The following DACH2 variants were observed in gnomAD, a reference collection of about 807,000 sequenced individuals.
The protein encoded by DACH2 is dachshund homolog 2.
DACH2 carries 17 observed loss-of-function variants against 35.8 expected under a neutral mutation model. The ratio of observed to expected loss-of-function variants is 0.48; its 90% CI spans 0.33 to 0.71. DACH2 has a LOEUF of 0.71. Among genes scored for constraint, DACH2 ranks in the 30% least tolerant of loss-of-function variants. The pLI is 0.02. For synonymous variants in DACH2, 195 were observed against 177.3 expected (o/e 1.10, Z -0.79); for missense variants, 469 against 472.7 (o/e 0.99, Z 0.07).
rs2040935918 is a variant in DACH2 at position 86,685,816 on chromosome X, A to G, written c.773-9205A>G. 2.7e-5 allele frequency among the ~76,000 whole-genome samples: 3 copies of G among 110,678 alleles called. No individual in the cohort carries two copies. In the South Asian group the frequency reaches 1.1e-3, roughly 42 times the overall value. On this transcript the variant is annotated intron_variant, in intron 4 of 11. Transcript: ENST00000373125. The stretch of plus-strand genomic sequence containing the variant: ...ATCTTGCAAGAATTCACTCACTGTC[A>G]GGAAGACAGCACGAAGCCATAAGGG...
At chrX:86,821,712 T>G (rs138598716) in intron 11 of DACH2, among the ~76,000 whole-genome samples, 3,425 of 111,129 alleles carry the variant, frequency 0.031, 132 homozygotes, top group African/African-American at 0.11. Flanking sequence ...AGGATTCGCT[T>G]GCACCACACA....
rs192556273 is a variant in DACH2, at chrX:86,218,367, C to A, written c.488+69259C>A. ...GTGATTATTATTTAAATAGTCTCCTCAAAAATAGCTATTAAATTATCTATT... is the reference window on the plus strand; with the variant it reads ...GTGATTATTATTTAAATAGTCTCCTAAAAAATAGCTATTAAATTATCTATT... On this transcript the variant is annotated intron_variant, in intron 1 of 11. Coordinates refer to ENST00000373125, the MANE Select transcript of DACH2 (RefSeq NM_053281.3). Among the ~76,000 whole-genome samples, 251 of 111,764 alleles carry A rather than the reference C, an allele frequency of 2.2e-3. 1 individual carries two copies. Among genetic ancestry groups the A allele is most frequent in the Non-Finnish European group, 4.0e-3 (215 of 53,101 alleles).
intron 2 of DACH2, among the ~76,000 whole-genome samples, chrX:86,457,198 A>T (rs1024714338): frequency 8.9e-6 from 1 of 112,026 alleles, no homozygotes; most frequent in African/African-American, 3.2e-5. Context: ...AAGTAGAAGC[A>T]GTAAGAATGA....
chrX:86,470,653 G>T (rs1387422218), intron 2 of DACH2, among the ~76,000 whole-genome samples: 1 of 110,968 alleles, frequency 9.0e-6, no homozygotes, highest in Non-Finnish European at 1.9e-5. Flanking sequence ...ACTGGGAGGT[G>T]GGTGAGGGAT....
intron 2 of DACH2, among the ~76,000 whole-genome samples, chrX:86,383,965 G>A (rs2036086759): frequency 9.0e-6 from 1 of 111,324 alleles, no homozygotes; most frequent in Non-Finnish European, 1.9e-5. Context: ...CTTTAAAAAT[G>A]AAAGCAAAGT....
rs181927109 is a variant in DACH2 at position 86,714,476 on chromosome X, T to C, written c.932-72T>C. 1.7e-4 allele frequency: 155 copies of C among 930,954 alleles called. 1 individual carries two copies. In the East Asian group the frequency reaches 4.3e-3, roughly 26 times the overall value. 76.7% of individuals were successfully genotyped at this position (930,954 alleles called of 1,213,427 possible). On this transcript the variant is annotated intron_variant, in intron 5 of 11. Coordinates refer to ENST00000373125, the MANE Select transcript of DACH2 (RefSeq NM_053281.3). Reference sequence around the variant, plus strand: ...TTTTTATAAGAAAACTAAGAATGAATTTAGGTACTTTTTAACAAACTATTT... The same window carrying C: ...TTTTTATAAGAAAACTAAGAATGAACTTAGGTACTTTTTAACAAACTATTT...
At chrX:86,797,607 C>T (rs2042251977) in intron 7 of DACH2, among the ~76,000 whole-genome samples, 2 of 110,827 alleles carry the variant, frequency 1.8e-5, no homozygotes, top group African/African-American at 6.5e-5. Context: ...AAAATAAGGT[C>T]GAATTTGCCA....
rs1359842127 is a variant in DACH2, at chrX:86,256,367, A to G, written c.488+107259A>G. Among the ~76,000 whole-genome samples, 7 of 111,761 alleles carry G rather than the reference A, an allele frequency of 6.3e-5. No individual in the cohort carries two copies. The Admixed American group carries it at 6.7e-4, about 11-fold the overall frequency. On this transcript the variant is annotated intron_variant, in intron 1 of 11. Transcript: ENST00000373125. ...AAGAGAGACATGCCACTGATGTCCA[A>G]GATGAGAATTATAATAAAAGAAAAA...
At chrX:86,272,888 T>C (rs113827600) in intron 1 of DACH2, among the ~76,000 whole-genome samples, 4,626 of 111,731 alleles carry the variant, frequency 0.041, 238 homozygotes, top group African/African-American at 0.14. Flanking sequence ...TCAGTGGCTT[T>C]CTTGGTTTAT....
intron 2 of DACH2, among the ~76,000 whole-genome samples, chrX:86,440,384 A>T (rs1295982672): frequency 9.0e-6 from 1 of 111,467 alleles, no homozygotes; most frequent in Non-Finnish European, 1.9e-5. Flanking sequence ...TTTCTGATAA[A>T]TTTCCTTACA....
rs1372015880 is a variant in DACH2, at chrX:86,294,073, G to T, written c.489-82751G>T. 2.7e-5 allele frequency among the ~76,000 whole-genome samples: 3 copies of T among 111,688 alleles called. 1 individual carries two copies. The highest frequency in any genetic ancestry group is 1.9e-4 in the Admixed American group (2 of 10,512). ...CTTTCAGGTACACCAATCAGATGTAGATTTGGTCTTTTCACATAGTCCCAT... is the reference window on the plus strand; with the variant it reads ...CTTTCAGGTACACCAATCAGATGTATATTTGGTCTTTTCACATAGTCCCAT... On this transcript the variant is annotated intron_variant, in intron 1 of 11. Transcript: ENST00000373125.
At chrX:86,278,110 G>T (rs942326822) in intron 1 of DACH2, among the ~76,000 whole-genome samples, 4 of 111,469 alleles carry the variant, frequency 3.6e-5, no homozygotes, top group African/African-American at 6.5e-5. Context: ...TTGGTGGTCT[G>T]CTGCCAGTCT....
intron 2 of DACH2, among the ~76,000 whole-genome samples, chrX:86,428,055 A>C (rs776568907): frequency 8.9e-6 from 1 of 112,106 alleles, no homozygotes; most frequent in South Asian, 3.6e-4. Flanking sequence ...CTTAAAAGTT[A>C]GACTACCTGT....
At chrX:86,651,660 G>A (rs187969568) in intron 4 of DACH2, among the ~76,000 whole-genome samples, 4,165 of 111,829 alleles carry the variant, frequency 0.037, 192 homozygotes, top group African/African-American at 0.13. Context: ...AGCAGCCAAA[G>A]AAGAAAAGAT....
chrX:86,443,114 T>C (rs142169258), intron 2 of DACH2, among the ~76,000 whole-genome samples: 1 of 111,928 alleles, frequency 8.9e-6, no homozygotes, highest in South Asian at 3.7e-4. Context: ...ATAAGAAATG[T>C]CATTGATATT....
chrX:86,551,706 GA>G (rs1900910162), intron 3 of DACH2, among the ~76,000 whole-genome samples: 1 of 111,749 alleles, frequency 8.9e-6, no homozygotes, highest in African/African-American at 3.2e-5. Flanking sequence ...ATTTTGTGTT[GA>G]TATTTTCTTT....
At chrX:86,778,827 T>G (rs144495064) in intron 7 of DACH2, among the ~76,000 whole-genome samples, 8,461 of 111,128 alleles carry the variant, frequency 0.076, 509 homozygotes, top group Admixed American at 0.27. Context: ...GCCAGGCTGG[T>G]CTTGAACTCC....
chrX:86,170,108 T>A (rs2031074320), intron 1 of DACH2, among the ~76,000 whole-genome samples: 1 of 111,711 alleles, frequency 9.0e-6, no homozygotes, highest in African/African-American at 3.3e-5. Flanking sequence ...GCCTTGATGG[T>A]CTTCGACAAG....
chrX:86,332,957 G>A (rs1212710029), intron 1 of DACH2, among the ~76,000 whole-genome samples: 1 of 111,738 alleles, frequency 8.9e-6, no homozygotes, highest in Non-Finnish European at 1.9e-5. Context: ...CAAGCTTTCA[G>A]TAATTTATGC....
Sources: gnomAD v4.1 joint callset for allele counts (sites outside exome capture counted in the v4.1 genomes callset) on GRCh38, gnomAD v4.1.1 for gene constraint, MANE v1.5 for transcripts, NCBI Gene and HGNC (gene_info 2026-07-23, HGNC 2026-07-21) for gene names.